The following CAMTA1 variants were observed in gnomAD, a reference collection of about 807,000 sequenced individuals.
The protein encoded by CAMTA1 is calmodulin binding transcription activator 1, also known as calmodulin-binding transcription activator 1.
CAMTA1 carries 27 observed loss-of-function variants against 170.9 expected under a neutral mutation model. The ratio of observed to expected loss-of-function variants is 0.16; its 90% CI spans 0.12 to 0.22. The LOEUF is 0.22. CAMTA1 is among the 10% of genes least tolerant of loss of function. The pLI is 1.00. For missense variants in CAMTA1, 1,619 were observed against 2,217.2 expected, an observed-to-expected ratio of 0.73 and a Z score of 5.42; for synonymous variants, 833 against 891.5, an observed-to-expected ratio of 0.93 and a Z score of 1.17.
chr1:7,051,068 C>T (rs932561816), intron 3 of CAMTA1, among the ~76,000 whole-genome samples: 29 of 152,270 alleles, frequency 1.9e-4, no homozygotes, highest in South Asian at 8.3e-4. Flanking sequence ...ATTGGTGAGG[C>T]GCTGCGGCAA....
intron 1 of CAMTA1, among the ~76,000 whole-genome samples, chr1:6,817,941 AC>A (rs1163167930): frequency 1.3e-5 from 2 of 152,206 alleles, no homozygotes; most frequent in African/African-American, 4.8e-5. Flanking sequence ...ATTTATATGG[AC>A]CCTGAAAACA....
intron 3 of CAMTA1, among the ~76,000 whole-genome samples, chr1:7,089,671 C>T (rs796605631): frequency 1.1e-4 from 17 of 151,808 alleles, no homozygotes; most frequent in African/African-American, 3.1e-4. Context: ...GATGTGTCAG[C>T]GATAACGTGT....
intron 3 of CAMTA1, among the ~76,000 whole-genome samples, chr1:6,893,694 G>T (rs1675041426): frequency 6.6e-6 from 1 of 152,186 alleles, no homozygotes; most frequent in South Asian, 2.1e-4. Context: ...GGCTCTGTTG[G>T]CTGGTGGGTT....
In CAMTA1 at chr1:7,570,243, C is replaced by A. The variant is rs539036628; in HGVS notation, c.511-70157C>A. Reference sequence around the variant, plus strand: ...ATCCTGAAATTCATCCAGGAGAGTTCTTTTCCCTGGCTTCTGCTTTTGATC... The same window carrying A: ...ATCCTGAAATTCATCCAGGAGAGTTATTTTCCCTGGCTTCTGCTTTTGATC... On this transcript the variant is annotated intron_variant, in intron 6 of 22. Coordinates refer to ENST00000303635, the MANE Select transcript of CAMTA1 (RefSeq NM_015215.4). The surrounding 1 kb of genome is among the most constrained non-coding windows in gnomAD (Gnocchi z 4.3). 6.6e-6 allele frequency among the ~76,000 whole-genome samples: 1 copy of A among 152,216 alleles called. No individual in the cohort carries two copies. The highest frequency in any genetic ancestry group is 1.5e-5 in the Non-Finnish European group (1 of 68,040).
Position 7,736,124 on chromosome 1 carries a change from T to C in CAMTA1, c.3067-220T>C, listed in dbSNP as rs2096770579. On this transcript the variant is annotated intron_variant, in intron 12 of 22. Transcript: ENST00000303635. This position sits in a 1 kb window ranked among gnomAD's most constrained non-coding sequence, Gnocchi z 4.5. Reference sequence around the variant, plus strand: ...CAGGGTCTCACCATGTTGCCCAGGCTGGTCTCAAACTCCCGAGCAATCCTC... The same window carrying C: ...CAGGGTCTCACCATGTTGCCCAGGCCGGTCTCAAACTCCCGAGCAATCCTC... Among the ~76,000 whole-genome samples, 1 of 152,088 alleles carries C rather than the reference T, an allele frequency of 6.6e-6. No homozygotes were observed. Among genetic ancestry groups the C allele is most frequent in the Non-Finnish European group, 1.5e-5 (1 of 68,020 alleles).
intron 22 of CAMTA1, among the ~76,000 whole-genome samples, chr1:7,760,298 G>T (rs755921430): frequency 1.3e-5 from 2 of 152,234 alleles, no homozygotes; most frequent in African/African-American, 2.4e-5. Flanking sequence ...TCTGAGAACA[G>T]CCCCGGGTCA....
chr1:6,785,504 G>T lies in CAMTA1; in HGVS notation c.-27G>T. ...CGGCGGCGGTACGAGGCGCGCGCTC[G>T]GGGTCCCGGTCGCGAGGAGGAGGAG... On this transcript the variant is annotated 5_prime_UTR_variant, in exon 1 of 23. Coordinates refer to ENST00000303635, the MANE Select transcript of CAMTA1 (RefSeq NM_015215.4). The T allele has an allele frequency of 1.9e-6, 2 of 1,034,398 alleles. No individual in the cohort carries two copies. Among genetic ancestry groups the T allele is most frequent in the Non-Finnish European group, 2.3e-6 (2 of 855,144 alleles). 64.1% of individuals were successfully genotyped at this position (1,034,398 alleles called of 1,614,324 possible).
At chr1:7,523,861 C>T (rs573383345) in intron 6 of CAMTA1, among the ~76,000 whole-genome samples, 5 of 147,804 alleles carry the variant, frequency 3.4e-5, no homozygotes, top group East Asian at 2.0e-4. Context: ...CCAGCCTGGA[C>T]GACAGAGTGA....
chr1:7,308,562 A>G (rs1201159641), intron 5 of CAMTA1, among the ~76,000 whole-genome samples: 2 of 152,146 alleles, frequency 1.3e-5, no homozygotes, highest in Non-Finnish European at 2.9e-5. Flanking sequence ...TTGTTTGATC[A>G]GTTAAAAATA....
At chr1:7,295,150 T>G (rs147131081) in intron 5 of CAMTA1, among the ~76,000 whole-genome samples, 4 of 151,962 alleles carry the variant, frequency 2.6e-5, no homozygotes, top group East Asian at 1.9e-4. Flanking sequence ...GGCTTTGGGG[T>G]TTTTTTTGTT....
At position 7,498,579 on chromosome 1, in the gene CAMTA1, G is replaced by C. The variant is rs377540330; in HGVS notation, c.510+30678G>C. ...TACCTGTATATGCATGTATATGCAT[G>C]TGCATGTGTGTGTACGTGTGAGTGT... On this transcript the variant is annotated intron_variant, in intron 6 of 22. Coordinates refer to ENST00000303635, the MANE Select transcript of CAMTA1 (RefSeq NM_015215.4). 5.9e-5 allele frequency among the ~76,000 whole-genome samples: 9 copies of C among 152,222 alleles called. No homozygotes were observed. In the East Asian group the frequency reaches 1.5e-3, roughly 26 times the overall value.
In CAMTA1 at chr1:7,467,709, G is replaced by A. The variant is rs868737581; in HGVS notation, c.439-121G>A. On this transcript the variant is annotated intron_variant, in intron 5 of 22. Transcript: ENST00000303635. Reference sequence around the variant, plus strand: ...GGAGCCAGACGCAGAGGTGCCCTCGGTCTCCCTGGGCCGCTGCCAGGCGGC... The same window carrying A: ...GGAGCCAGACGCAGAGGTGCCCTCGATCTCCCTGGGCCGCTGCCAGGCGGC... The A allele has an allele frequency of 1.8e-5, 16 of 896,598 alleles. No homozygotes were observed. In the Middle Eastern group the frequency reaches 8.6e-4, roughly 48 times the overall value. The allele number at this position is 896,598 out of a possible 1,614,324, so 55.5% of individuals were successfully genotyped here.
At chr1:7,258,062 T>C (rs6577429) in intron 5 of CAMTA1, among the ~76,000 whole-genome samples, 92,643 of 152,016 alleles carry the variant, frequency 0.61, 28,855 homozygotes, top group African/African-American at 0.68. Context: ...TCCTGGATGT[T>C]TCTCAAATAC....
At chr1:6,990,321 A>G (rs1237674881) in intron 3 of CAMTA1, among the ~76,000 whole-genome samples, 1 of 152,158 alleles carries the variant, frequency 6.6e-6, no homozygotes, top group African/African-American at 2.4e-5. Flanking sequence ...ATACTGAAAA[A>G]TTTCAAACGT....
At chr1:7,739,342 A>G (rs2096793721) in intron 16 of CAMTA1, among the ~76,000 whole-genome samples, 1 of 152,204 alleles carries the variant, frequency 6.6e-6, no homozygotes, top group Non-Finnish European at 1.5e-5. Context: ...TTTCTGAGCC[A>G]TTCCTGCTCA....
intron 6 of CAMTA1, among the ~76,000 whole-genome samples, chr1:7,527,186 C>T (rs1418126614): frequency 6.6e-6 from 1 of 152,214 alleles, no homozygotes; most frequent in Non-Finnish European, 1.5e-5. Flanking sequence ...TCTCGTTTGA[C>T]TCATACCCTA....
chr1:7,319,326 G>A (rs140251932), intron 5 of CAMTA1, among the ~76,000 whole-genome samples: 6 of 152,126 alleles, frequency 3.9e-5, no homozygotes, highest in Non-Finnish European at 7.4e-5. Context: ...ATTTGATCAT[G>A]GGGGCAGATT....
At position 7,635,684 on chromosome 1, in the gene CAMTA1, C is replaced by T. The variant is rs1163333366; in HGVS notation, c.511-4716C>T. On this transcript the variant is annotated intron_variant, in intron 6 of 22. Transcript: ENST00000303635. This position sits in a 1 kb window ranked among gnomAD's most constrained non-coding sequence, Gnocchi z 4.4. ...GTGACTCTCAGATCCAGGCCCAACC[C>T]GGGCATTCCTGCAGGCCGCCCTGCT... Among the ~76,000 whole-genome samples, 5 of 152,058 alleles carry T rather than the reference C, an allele frequency of 3.3e-5. No individual in the cohort carries two copies. The highest frequency in any genetic ancestry group is 4.1e-4 in the South Asian group (2 of 4,834).
chr1:7,165,925 G>A (rs980605461), intron 4 of CAMTA1, among the ~76,000 whole-genome samples: 18 of 152,004 alleles, frequency 1.2e-4, no homozygotes, highest in Non-Finnish European at 2.4e-4. Flanking sequence ...TATGTAATAG[G>A]TATTATGTAT....
Sources: gnomAD v4.1 joint callset for allele counts (sites outside exome capture counted in the v4.1 genomes callset) on GRCh38, gnomAD v4.1.1 for gene constraint, Gnocchi (gnomAD v3.1) non-coding constraint, MANE v1.5 for transcripts, NCBI Gene and HGNC (gene_info 2026-07-23, HGNC 2026-07-21) for gene names.